Variants in NRCAM observed in about 807,000 individuals in gnomAD.
NRCAM encodes the protein NgCAM-related cell adhesion molecule.
NRCAM carries 83 observed loss-of-function variants against 156.5 expected under a neutral mutation model. The observed-to-expected ratio is 0.53, with a 90% CI of 0.44 to 0.64. The LOEUF is 0.64. Among genes scored for constraint, NRCAM ranks in the 30% least tolerant of loss-of-function variants. The pLI, the probability that NRCAM is intolerant of heterozygous loss-of-function variation, is 0.00. For missense variants in NRCAM, 1,417 were observed against 1,597.3 expected (o/e 0.89, Z 1.92); for synonymous variants, 538 against 563.9 (o/e 0.95, Z 0.65).
intron 3 of NRCAM, among the ~76,000 whole-genome samples, chr7:108,244,130 A>G (rs557306398): frequency 3.3e-5 from 5 of 152,136 alleles, no homozygotes; most frequent in Non-Finnish European, 7.4e-5. Flanking sequence ...ATTTTAATGA[A>G]AAAAATCAGC....
intron 32 of NRCAM, among the ~76,000 whole-genome samples, chr7:108,156,001 T>C (rs1018098383): frequency 1.3e-5 from 2 of 152,124 alleles, no homozygotes; most frequent in Non-Finnish European, 2.9e-5. Flanking sequence ...AAATCTGTGA[T>C]AATTCTGTCT....
chr7:108,367,742 A>AT (rs1293394300), intron 2 of NRCAM, among the ~76,000 whole-genome samples: 2 of 152,112 alleles, frequency 1.3e-5, no homozygotes, highest in Non-Finnish European at 2.9e-5. Flanking sequence ...GTAAGTGAAA[A>AT]TTTTTTTGAG....
chr7:108,387,162 G>C (rs1401798022), intron 2 of NRCAM, among the ~76,000 whole-genome samples: 1 of 152,034 alleles, frequency 6.6e-6, no homozygotes, highest in East Asian at 1.9e-4. Context: ...AACAATTCCA[G>C]TTCCTTTAAC....
At chr7:108,238,268 T>C (rs1254119190) in intron 4 of NRCAM, among the ~76,000 whole-genome samples, 2 of 152,230 alleles carry the variant, frequency 1.3e-5, no homozygotes, top group African/African-American at 4.8e-5. Context: ...TTTAGATTTT[T>C]ATATTTCTAT....
chr7:108,396,153 G>A (rs1312145122), intron 2 of NRCAM, among the ~76,000 whole-genome samples: 1 of 152,180 alleles, frequency 6.6e-6, no homozygotes, highest in Non-Finnish European at 1.5e-5. Context: ...GCGAATATGA[G>A]TGAGACAGAA....
At chr7:108,159,245 C>A (rs1156269356) in intron 32 of NRCAM, 3 of 702,628 alleles carry the variant, frequency 4.3e-6, no homozygotes, top group Non-Finnish European at 7.9e-6. Flanking sequence ...GACATTCCAT[C>A]TCCAAAATTA....
At chr7:108,400,776 G>A (rs1410745641) in intron 1 of NRCAM, among the ~76,000 whole-genome samples, 1 of 152,118 alleles carries the variant, frequency 6.6e-6, no homozygotes, top group Non-Finnish European at 1.5e-5. Flanking sequence ...AAGCAAAGCA[G>A]CAGCGTGAGA....
chr7:108,315,577 C>T (rs1318222231), intron 2 of NRCAM, among the ~76,000 whole-genome samples: 2 of 152,224 alleles, frequency 1.3e-5, no homozygotes, highest in Non-Finnish European at 2.9e-5. Context: ...CCAGAGGGCC[C>T]TCCCTCTACC....
At chr7:108,209,241 C>G (rs746563011) in intron 12 of NRCAM, among the ~76,000 whole-genome samples, 180 bp downstream of exon 12, 3 of 152,092 alleles carry the variant, frequency 2.0e-5, no homozygotes, top group Non-Finnish European at 2.9e-5. Context: ...AAGATTTGAA[C>G]AAGTAAATTT....
chr7:108,347,030 C>CTTTTTTTTTTTTTTTT (rs1563365643), intron 2 of NRCAM, among the ~76,000 whole-genome samples: 1 of 88,050 alleles, frequency 1.1e-5, no homozygotes, highest in Non-Finnish European at 2.5e-5. Flanking sequence ...TATTATATTT[C>CTTTTTTTTTTTTTTTT]TGTTTTTTTT....
Position 108,232,368 on chromosome 7 carries a change from G to C in NRCAM, c.385C>G (p.Arg129Gly). The C allele has an allele frequency of 6.2e-7, 1 of 1,610,344 alleles. No homozygotes were observed. Among genetic ancestry groups the C allele is most frequent in the Non-Finnish European group, 8.5e-7 (1 of 1,178,808 alleles). ...ATGTTATTAGAAACTGCAGCTCCGC[G>C]TTCGTTCCTTGCTGTACACTGATAG... Reference protein sequence around the residue: ...GVYQCTARNERGAAVSNNIVV... With the variant: ...GVYQCTARNEGGAAVSNNIVV... The change falls in exon 7 of 33, where the codon CGC becomes GGC. Residue 129 changes from arginine to glycine, a missense_variant. Physicochemically the swap from Arg to Gly is moderately radical, Grantham distance 125. Around this residue, in one of 2 missense-constraint regions of NRCAM, gnomAD observed 1,238 missense variants for 1,336.4 expected, o/e 0.93. Transcript: ENST00000379028.
chr7:108,189,893 A>C (rs1239871832), intron 19 of NRCAM, 147 bp from the exon 20 acceptor site: 5 of 541,794 alleles, frequency 9.2e-6, no homozygotes, highest in Non-Finnish European at 3.2e-6. Flanking sequence ...AAATGTGCAC[A>C]GCTGAGGCTG....
chr7:108,189,425 A>T (rs1052612851), intron 20 of NRCAM, among the ~76,000 whole-genome samples: 2 of 152,214 alleles, frequency 1.3e-5, no homozygotes, highest in African/African-American at 4.8e-5. Flanking sequence ...TGATTAGTCA[A>T]CATCTTCAGC....
chr7:108,392,707 C>A (rs1046548346), intron 2 of NRCAM, among the ~76,000 whole-genome samples: 1 of 152,132 alleles, frequency 6.6e-6, no homozygotes, highest in Non-Finnish European at 1.5e-5. Flanking sequence ...GTTTTATCTA[C>A]CTTTGGTCTT....
chr7:108,443,016 A>G (rs778169875), intron 1 of NRCAM, among the ~76,000 whole-genome samples: 41 of 152,234 alleles, frequency 2.7e-4, no homozygotes, highest in Non-Finnish European at 5.9e-4. Flanking sequence ...TGTAGCACGG[A>G]AAGAACATAT....
At chr7:108,256,025 C>A (rs2096638107) in intron 3 of NRCAM, among the ~76,000 whole-genome samples, 6 of 144,754 alleles carry the variant, frequency 4.1e-5, no homozygotes, top group Admixed American at 4.1e-4. Context: ...CCCCGCCCGG[C>A]CAGCCACCCC....
chr7:108,276,060 A>G, intron 3 of NRCAM, among the ~76,000 whole-genome samples: 1 of 152,084 alleles, frequency 6.6e-6, no homozygotes, highest in East Asian at 1.9e-4. Context: ...GAGTTTCTTA[A>G]TCCCGAGTTC....
At chr7:108,335,586 A>T (rs901361081) in intron 2 of NRCAM, among the ~76,000 whole-genome samples, 2 of 152,026 alleles carry the variant, frequency 1.3e-5, no homozygotes, top group African/African-American at 4.8e-5. Context: ...AGATGCAGAA[A>T]ATGCCTACCT....
chr7:108,284,404 G>GT (rs1250864580), intron 3 of NRCAM, among the ~76,000 whole-genome samples: 2 of 152,074 alleles, frequency 1.3e-5, no homozygotes, highest in East Asian at 1.9e-4. Flanking sequence ...CTCTAACAAG[G>GT]TTTTCTGCCT....
Sources: allele counts gnomAD v4.1 joint callset (sites outside exome capture counted in the v4.1 genomes callset), GRCh38; gene constraint gnomAD v4.1.1; regional missense constraint gnomAD v4.1.1; transcripts MANE v1.5; gene names NCBI Gene and HGNC (gene_info 2026-07-23, HGNC 2026-07-21).